The following TRPS1 variants were observed in gnomAD, a reference collection of about 807,000 sequenced individuals.
The protein encoded by TRPS1 is transcriptional repressor GATA binding 1.
Under a neutral mutation model 101.2 loss-of-function variants are expected in TRPS1, and 6 were observed. That is an observed-to-expected ratio of 0.06 (90% CI 0.03 to 0.12). The LOEUF is 0.12. Ranked by LOEUF, TRPS1 falls within the 10% of genes least tolerant of loss-of-function variation. The pLI, the probability that TRPS1 is intolerant of heterozygous loss-of-function variation, is 1.00. For missense variants in TRPS1, 1,363 were observed against 1,567.0 expected, an observed-to-expected ratio of 0.87 and a Z score of 2.20; for synonymous variants, 578 against 589.8, an observed-to-expected ratio of 0.98 and a Z score of 0.29.
At chr8:115,539,918 G>A (rs534105224) in intron 5 of TRPS1, among the ~76,000 whole-genome samples, 1 of 152,244 alleles carries the variant, frequency 6.6e-6, no homozygotes, top group African/African-American at 2.4e-5. Context: ...ATCCATCATC[G>A]AGAATCTGAA....
intron 5 of TRPS1, among the ~76,000 whole-genome samples, chr8:115,533,642 C>A (rs1382765701): frequency 6.6e-6 from 1 of 152,026 alleles, no homozygotes; most frequent in Non-Finnish European, 1.5e-5. Context: ...TTTTCAAATT[C>A]TGTCTGAACA....
chr8:115,658,009 G>A lies in TRPS1; in HGVS notation c.-122+10536C>T, dbSNP rs183992692. On this transcript the variant is annotated intron_variant, in intron 1 of 6. Coordinates refer to ENST00000395715, the MANE Select transcript of TRPS1 (RefSeq NM_014112.5). ...AAACTAAAATATTAGACCCCAAACA[G>A]TGTAGGGGGAAGAGGGGTAGGAAGT... Among the ~76,000 whole-genome samples, 394 of 152,070 alleles carry A rather than the reference G, an allele frequency of 2.6e-3. 1 individual carries two copies. Among genetic ancestry groups the A allele is most frequent in the Non-Finnish European group, 4.0e-3 (275 of 67,954 alleles).
At chr8:115,511,785 A>G (rs994805007) in intron 5 of TRPS1, among the ~76,000 whole-genome samples, 2 of 151,958 alleles carry the variant, frequency 1.3e-5, no homozygotes, top group Non-Finnish European at 2.9e-5. Flanking sequence ...CAAGTTAAAT[A>G]ATAGGTGACA....
intron 5 of TRPS1, among the ~76,000 whole-genome samples, chr8:115,426,487 C>T (rs1007105041): frequency 6.6e-6 from 1 of 151,832 alleles, no homozygotes. Flanking sequence ...TTTAGGGCTG[C>T]CTTTATAATA....
intron 4 of TRPS1, among the ~76,000 whole-genome samples, chr8:115,596,266 T>C (rs1012709141): frequency 6.6e-6 from 1 of 151,996 alleles, no homozygotes; most frequent in Non-Finnish European, 1.5e-5. Flanking sequence ...TTAATATTTG[T>C]ACTAGACCAT....
rs1435692007 is a variant in TRPS1 at position 115,535,296 on chromosome 8, C to CATATATATAGCATATATAGAGA, written c.2700+51704_2700+51705insTCTCTATATATGCTATATATAT. Among the ~76,000 whole-genome samples the CATATATATAGCATATATAGAGA allele has an allele frequency of 2.2e-5, 3 of 136,034 alleles. No homozygotes were observed. The East Asian group carries it at 6.8e-4, about 31-fold the overall frequency. The allele number at this position is 136,034 out of a possible 152,430, so 89.2% of individuals were successfully genotyped here. ...TATAGCATATATAGCATATATATAG[C>CATATATATAGCATATATAGAGA]ATATATATAGCATATATAGCATATA... On this transcript the variant is annotated intron_variant, in intron 5 of 6. Coordinates refer to ENST00000395715, the MANE Select transcript of TRPS1 (RefSeq NM_014112.5).
chr8:115,587,074 G>T lies in TRPS1; in HGVS notation c.2627C>A (p.Ser876Tyr), dbSNP rs751298577. Residue 876 changes from serine (S) to tyrosine (Y), a missense_variant, in exon 5 of 7, where the codon TCT becomes TAT. Transcript: ENST00000395715. Reference protein sequence around the residue: ...LQGAPAGGEKSGALPQQYPAS... With the variant: ...LQGAPAGGEKYGALPQQYPAS... ...AGGATACTGCTGGGGGAGGGCCCCA[G>T]ACTTCTCTCCGCCAGCTGGCGCCCC... 6.0e-5 allele frequency: 97 copies of T among 1,614,048 alleles called. No individual in the cohort carries two copies. The highest frequency in any genetic ancestry group is 7.7e-5 in the Non-Finnish European group (91 of 1,180,036).
intron 5 of TRPS1, among the ~76,000 whole-genome samples, chr8:115,423,953 T>C (rs13278337): frequency 6.6e-6 from 1 of 152,220 alleles, no homozygotes; most frequent in Non-Finnish European, 1.5e-5. Flanking sequence ...TTTCATCTGA[T>C]TAATATGAAG....
At chr8:115,431,960 C>A (rs1292064836) in intron 5 of TRPS1, among the ~76,000 whole-genome samples, 1 of 151,746 alleles carries the variant, frequency 6.6e-6, no homozygotes, top group African/African-American at 2.4e-5. Context: ...AATACACACA[C>A]AAACATACAT....
rs185831281 is a variant in TRPS1, at chr8:115,444,299, A to C, written c.2701-25847T>G. ...GTGTCCAACATGGTACATACAATAG[A>C]ACAGGTGCTCTGATAAGGAATGTGA... On this transcript the variant is annotated intron_variant, in intron 5 of 6. Transcript: ENST00000395715. Among the ~76,000 whole-genome samples, 43 of 151,880 alleles carry C rather than the reference A, an allele frequency of 2.8e-4. No individual in the cohort carries two copies. The East Asian group carries it at 7.4e-3, about 26-fold the overall frequency.
At chr8:115,601,889 C>T (rs1817915870) in intron 4 of TRPS1, among the ~76,000 whole-genome samples, 1 of 152,194 alleles carries the variant, frequency 6.6e-6, no homozygotes, top group Admixed American at 6.5e-5. Context: ...TTAAATCGTG[C>T]AGATACAGTG....
At chr8:115,595,510 G>A (rs1817766295) in intron 4 of TRPS1, among the ~76,000 whole-genome samples, 1 of 151,830 alleles carries the variant, frequency 6.6e-6, no homozygotes, top group Admixed American at 6.6e-5. Context: ...AATCTGATTA[G>A]GATTTGCTCA....
intron 5 of TRPS1, among the ~76,000 whole-genome samples, chr8:115,504,069 T>G (rs1264578469): frequency 6.6e-6 from 1 of 152,210 alleles, no homozygotes; most frequent in East Asian, 1.9e-4. Flanking sequence ...TTAACTTCCT[T>G]GTATTCTTGT....
At chr8:115,506,596 T>A (rs1424754355) in intron 5 of TRPS1, among the ~76,000 whole-genome samples, 1 of 152,112 alleles carries the variant, frequency 6.6e-6, no homozygotes, top group Non-Finnish European at 1.5e-5. Flanking sequence ...AAATTAAATA[T>A]TGGTTTAGAT....
intron 5 of TRPS1, among the ~76,000 whole-genome samples, chr8:115,543,501 C>T (rs1452199459): frequency 6.6e-6 from 1 of 151,624 alleles, no homozygotes; most frequent in African/African-American, 2.4e-5. Flanking sequence ...TGTTATTAGG[C>T]CTTTGGTTCT....
intron 3 of TRPS1, 119 bp from the exon 4 acceptor site, chr8:115,605,121 G>A (rs1818008200): frequency 1.1e-6 from 1 of 886,040 alleles, no homozygotes; most frequent in Admixed American, 2.2e-5. Context: ...TAGTACTCCT[G>A]CTTATTATGA....
At chr8:115,641,724 C>T (rs1428539700) in intron 1 of TRPS1, among the ~76,000 whole-genome samples, 1 of 151,992 alleles carries the variant, frequency 6.6e-6, no homozygotes, top group Non-Finnish European at 1.5e-5. Context: ...TACTAAAGTA[C>T]AAAAAATTAG....
intron 5 of TRPS1, among the ~76,000 whole-genome samples, chr8:115,425,926 G>A (rs1037366303): frequency 9.9e-5 from 15 of 152,216 alleles, no homozygotes; most frequent in African/African-American, 3.1e-4. Flanking sequence ...TTCTAACCAC[G>A]CTGTTTCTGT....
chr8:115,654,287 C>G (rs1016561184), intron 1 of TRPS1, among the ~76,000 whole-genome samples: 4 of 152,122 alleles, frequency 2.6e-5, no homozygotes, highest in Non-Finnish European at 4.4e-5. Context: ...AAATTATTTT[C>G]ACTACATTTG....
Sources: allele counts gnomAD v4.1 joint callset (sites outside exome capture counted in the v4.1 genomes callset), GRCh38; gene constraint gnomAD v4.1.1; transcripts MANE v1.5; gene names NCBI Gene and HGNC (gene_info 2026-07-23, HGNC 2026-07-21).